The following PTPRU variants were observed in gnomAD, a reference collection of about 807,000 sequenced individuals.
PTPRU encodes receptor-type tyrosine-protein phosphatase U.
In PTPRU, 69 loss-of-function variants were observed where a neutral mutation model predicts 166.3. The observed-to-expected ratio is 0.41, with a 90% CI of 0.34 to 0.51. The LOEUF (loss-of-function observed/expected upper bound fraction) is 0.51. Among genes scored for constraint, PTPRU ranks in the 20% least tolerant of loss-of-function variants. The pLI, the probability that PTPRU is intolerant of heterozygous loss-of-function variation, is 0.09. For synonymous variants in PTPRU, 793 were observed against 814.0 expected (o/e 0.97, Z 0.44); for missense variants, 1,657 against 2,013.7 (o/e 0.82, Z 3.39).
At chr1:29,265,369 T>C (rs890875663) in intron 7 of PTPRU, among the ~76,000 whole-genome samples, 2 of 151,304 alleles carry the variant, frequency 1.3e-5, no homozygotes, top group African/African-American at 2.4e-5. Context: ...TTTCTTTTCC[T>C]CTTTTTTTTT....
At position 29,311,601 on chromosome 1, in the gene PTPRU, G is replaced by T. The variant is rs745963143; in HGVS notation, c.2956-42G>T. On this transcript the variant is annotated intron_variant, in intron 20 of 29. Transcript: ENST00000373779. This position sits in a 1 kb window ranked among gnomAD's most constrained non-coding sequence, Gnocchi z 4.1. ...CTGGGGCGCATGGCAGGCCAAGGGG[G>T]CAGCAAAGAGCCCACTGAGTCCCGT... 1.2e-6 allele frequency: 2 copies of T among 1,613,938 alleles called. No individual in the cohort carries two copies. The highest frequency in any genetic ancestry group is 1.7e-6 in the Non-Finnish European group (2 of 1,179,788).
intron 15 of PTPRU, among the ~76,000 whole-genome samples, chr1:29,301,142 G>A (rs1687114125): frequency 6.6e-6 from 1 of 152,176 alleles, no homozygotes; most frequent in Admixed American, 6.5e-5. Context: ...TTGAAAATGT[G>A]GGGAGGGCTG....
In PTPRU at chr1:29,269,242, ATATATTTTTTTTTTTTTTT is replaced by A. The variant is rs1467779956; in HGVS notation, c.1145-6204_1145-6186del. 2.4e-4 allele frequency among the ~76,000 whole-genome samples: 7 copies of A among 28,902 alleles called. No homozygotes were observed. In the Admixed American group the frequency reaches 3.8e-3, roughly 16 times the overall value. The allele number at this position is 28,902 out of a possible 152,430, so 19.0% of individuals were successfully genotyped here. A position where few individuals can be genotyped will look rare whatever the true frequency, so the allele number is the denominator to read the frequency against. On this transcript the variant is annotated intron_variant, in intron 7 of 29. Coordinates refer to ENST00000373779, the MANE Select transcript of PTPRU (RefSeq NM_133178.4). ...TACATATATATATATATATATATAT[ATATATTTTTTTTTTTTTTT>A]TTTTTTTTTTTTTTGTAGAGACAGG...
chr1:29,283,816 C>A, intron 12 of PTPRU, 124 bp from the exon 13 acceptor site: 2 of 1,188,218 alleles, frequency 1.7e-6, no homozygotes, highest in African/African-American at 1.5e-5. Flanking sequence ...GTGGGGTGTC[C>A]CTTGATGCCA....
At chr1:29,268,026 A>G (rs572891193) in intron 7 of PTPRU, among the ~76,000 whole-genome samples, 2 of 152,352 alleles carry the variant, frequency 1.3e-5, no homozygotes, top group South Asian at 4.1e-4. Context: ...GATGGCTCCA[A>G]GGTGTTTTGC....
chr1:29,236,760 C>A lies in PTPRU; in HGVS notation c.73+43C>A. On this transcript the variant is annotated intron_variant, in intron 1 of 29. Coordinates refer to ENST00000373779, the MANE Select transcript of PTPRU (RefSeq NM_133178.4). The surrounding 1 kb of genome is among the most constrained non-coding windows in gnomAD (Gnocchi z 4.6). The stretch of plus-strand genomic sequence containing the variant: ...GGACCGAGCCTGCCCCGCCGAGCCT[C>A]GGGGCCCGTGGCGTAGCTCGGAAGA... 7.2e-7 allele frequency: 1 copy of A among 1,382,640 alleles called. No homozygotes were observed. Among genetic ancestry groups the A allele is most frequent in the Non-Finnish European group, 9.4e-7 (1 of 1,069,084 alleles). The allele number at this position is 1,382,640 out of a possible 1,614,324, so 85.6% of individuals were successfully genotyped here.
intron 22 of PTPRU, among the ~76,000 whole-genome samples, chr1:29,314,040 T>C (rs1282027918): frequency 6.6e-6 from 1 of 152,206 alleles, no homozygotes; most frequent in Non-Finnish European, 1.5e-5. Flanking sequence ...TCATACAGCA[T>C]GTGCTCTTTG....
Position 29,258,762 on chromosome 1 carries a change from C to G in PTPRU, c.463C>G (p.Pro155Ala). 1 of 1,580,578 alleles carries G rather than the reference C, an allele frequency of 6.3e-7. No homozygotes were observed. The highest frequency in any genetic ancestry group is 8.6e-7 in the Non-Finnish European group (1 of 1,162,334). Residue 155 changes from proline (P) to alanine (A), a missense_variant, in exon 3 of 30, where the codon CCC becomes GCC. Coordinates refer to ENST00000373779, the MANE Select transcript of PTPRU (RefSeq NM_133178.4). ...QAELAVSTFW[P>A]NEYQVLFEAL... ...TGAGCTGGCTGTCAGCACTTTCTGG[C>G]CCAATGAATATCAGGTGGGCTGGGT...
chr1:29,322,538 G>A (rs868634555), intron 26 of PTPRU, among the ~76,000 whole-genome samples: 1 of 152,168 alleles, frequency 6.6e-6, no homozygotes, highest in African/African-American at 2.4e-5. Context: ...GGAGCAGCCT[G>A]TGCAGGGTTC....
chr1:29,256,713 C>A (rs758068830), intron 2 of PTPRU, among the ~76,000 whole-genome samples: 1 of 152,220 alleles, frequency 6.6e-6, no homozygotes, highest in South Asian at 2.1e-4. Context: ...AGGTACCCAC[C>A]ATGGCAGGGA....
intron 13 of PTPRU, 22 bp downstream of exon 13, chr1:29,283,998 A>T: frequency 6.2e-7 from 1 of 1,613,062 alleles, no homozygotes; most frequent in Non-Finnish European, 8.5e-7. Context: ...GAGTTCCTGC[A>T]GCCTTTCAGC....
At chr1:29,240,714 A>G (rs948174665) in intron 1 of PTPRU, among the ~76,000 whole-genome samples, 3 of 152,110 alleles carry the variant, frequency 2.0e-5, no homozygotes, top group Admixed American at 6.5e-5. Flanking sequence ...TCCAGCCCCC[A>G]GTCTCAGGCT....
intron 1 of PTPRU, 93 bp from the exon 2 acceptor site, chr1:29,255,182 C>A: frequency 7.0e-7 from 1 of 1,437,144 alleles, no homozygotes; most frequent in Admixed American, 2.3e-5. Context: ...GGCAGGTGGG[C>A]CTGGGTAGAA....
Position 29,320,794 on chromosome 1 carries a change from T to C in PTPRU, c.3797T>C (p.Leu1266Pro). 1 of 1,601,308 alleles carries C rather than the reference T, an allele frequency of 6.2e-7. No individual in the cohort carries two copies. Residue 1266 changes from leucine to proline, a missense_variant, in exon 26 of 30, where the codon CTC becomes CCC. Physicochemically the swap from Leu to Pro is moderately conservative, Grantham distance 98. This residue lies in a region of PTPRU where 1,190 missense variants were observed against 1,477.4 expected (regional missense o/e 0.81). Coordinates refer to ENST00000373779, the MANE Select transcript of PTPRU (RefSeq NM_133178.4). This position sits in a 1 kb window ranked among gnomAD's most constrained non-coding sequence, Gnocchi z 5.2. ...YDYGCTSIVMLNQLNQSNSAW... is the reference protein window; with the variant it reads ...YDYGCTSIVMPNQLNQSNSAW... The stretch of plus-strand genomic sequence containing the variant: ...TACGGGTGCACCTCCATCGTCATGC[T>C]CAACCAGCTGAACCAGTCCAACTCC...
intron 1 of PTPRU, among the ~76,000 whole-genome samples, chr1:29,249,270 A>G (rs1002376141): frequency 6.6e-6 from 1 of 152,232 alleles, no homozygotes; most frequent in Non-Finnish European, 1.5e-5. Flanking sequence ...ACACTCCTCC[A>G]GAGGCAGCTC....
chr1:29,240,727 T>C (rs1399557750), intron 1 of PTPRU, among the ~76,000 whole-genome samples: 1 of 152,096 alleles, frequency 6.6e-6, no homozygotes, highest in Admixed American at 6.5e-5. Flanking sequence ...CTCAGGCTTT[T>C]GTGATGGGGC....
At position 29,257,322 on chromosome 1, in the gene PTPRU, G is replaced by A. The variant is rs1684815146; in HGVS notation, c.206-1183G>A. On this transcript the variant is annotated intron_variant, in intron 2 of 29. Coordinates refer to ENST00000373779, the MANE Select transcript of PTPRU (RefSeq NM_133178.4). The surrounding 1 kb of genome is among the most constrained non-coding windows in gnomAD (Gnocchi z 4.6). Reference sequence around the variant, plus strand: ...GAGTTTAGTTTACTACTGCCCTGCTGGGACTGATCCAGGAGCCGCCTCCAT... The same window carrying A: ...GAGTTTAGTTTACTACTGCCCTGCTAGGACTGATCCAGGAGCCGCCTCCAT... 6.6e-6 allele frequency among the ~76,000 whole-genome samples: 1 copy of A among 152,154 alleles called. No homozygotes were observed. The highest frequency in any genetic ancestry group is 1.5e-5 in the Non-Finnish European group (1 of 68,028).
At chr1:29,297,855 T>G (rs1686962303) in intron 15 of PTPRU, among the ~76,000 whole-genome samples, 1 of 152,180 alleles carries the variant, frequency 6.6e-6, no homozygotes, top group Admixed American at 6.5e-5. Context: ...CTGTTAGTTT[T>G]GAGAAAATAT....
chr1:29,274,012 A>G (rs1685687885), intron 7 of PTPRU, among the ~76,000 whole-genome samples: 1 of 152,116 alleles, frequency 6.6e-6, no homozygotes, highest in Non-Finnish European at 1.5e-5. Context: ...ACTAGATTAC[A>G]AGGATTAAAT....
Sources: allele counts gnomAD v4.1 joint callset (sites outside exome capture counted in the v4.1 genomes callset), GRCh38; gene constraint gnomAD v4.1.1; regional missense constraint gnomAD v4.1.1; non-coding constraint Gnocchi (gnomAD v3.1); transcripts MANE v1.5; gene names NCBI Gene and HGNC (gene_info 2026-07-23, HGNC 2026-07-21).